Variants in PTPRG observed in about 807,000 individuals in gnomAD.
The protein encoded by PTPRG is protein tyrosine phosphatase receptor type G.
PTPRG carries 102 observed loss-of-function variants against 165.3 expected under a neutral mutation model. The observed-to-expected ratio is 0.62, with a 90% CI of 0.53 to 0.73. The LOEUF (loss-of-function observed/expected upper bound fraction) is 0.73. Ranked by LOEUF, PTPRG falls within the 30% of genes least tolerant of loss-of-function variation. The pLI, the probability that PTPRG is intolerant of heterozygous loss-of-function variation, is 0.00. For synonymous variants in PTPRG, 675 were observed against 669.5 expected, an observed-to-expected ratio of 1.01 and a Z score of -0.13; for missense variants, 1,866 against 1,861.4, an observed-to-expected ratio of 1.00 and a Z score of -0.05.
At chr3:62,264,960 TAA>T (rs34009731) in intron 17 of PTPRG, among the ~76,000 whole-genome samples, 50 of 143,040 alleles carry the variant, frequency 3.5e-4, no homozygotes, top group South Asian at 4.5e-4. Context: ...TCTTACTATT[TAA>T]AAAAAAAAAA....
intron 2 of PTPRG, among the ~76,000 whole-genome samples, chr3:61,792,288 C>T (rs929338863): frequency 6.6e-6 from 1 of 152,102 alleles, no homozygotes; most frequent in African/African-American, 2.4e-5. Context: ...GCAGCCTTGA[C>T]CTCCTGGGCT....
rs1483200057 is a variant in PTPRG at position 62,271,957 on chromosome 3, T to C, written c.3182+402T>C. Among the ~76,000 whole-genome samples, 1 of 152,026 alleles carries C rather than the reference T, an allele frequency of 6.6e-6. No individual in the cohort carries two copies. The highest frequency in any genetic ancestry group is 2.4e-5 in the African/African-American group (1 of 41,392). ...TTAAAAATAAAAAAATTAGCCAGCA[T>C]GGTGGCACATGCCTGTGGTCCCAGC... On this transcript the variant is annotated intron_variant, in intron 21 of 29. Transcript: ENST00000474889. The surrounding 1 kb of genome is among the most constrained non-coding windows in gnomAD (Gnocchi z 4.1).
At chr3:62,064,502 C>CT (rs1700937781) in intron 4 of PTPRG, among the ~76,000 whole-genome samples, 1 of 151,746 alleles carries the variant, frequency 6.6e-6, no homozygotes, top group East Asian at 1.9e-4. Flanking sequence ...TTCTTCCTTC[C>CT]CCTCCGTAGG....
chr3:61,606,495 C>T (rs537864778), intron 1 of PTPRG, among the ~76,000 whole-genome samples: 13 of 152,326 alleles, frequency 8.5e-5, no homozygotes, highest in East Asian at 5.8e-4. Context: ...CTAACTCCTG[C>T]GGAGCTATAT....
At chr3:62,256,031 G>A (rs1321513118) in intron 16 of PTPRG, among the ~76,000 whole-genome samples, 1 of 152,148 alleles carries the variant, frequency 6.6e-6, no homozygotes, top group African/African-American at 2.4e-5. Context: ...CAAGAGTTGT[G>A]TCGAGGAGGC....
chr3:62,002,417 T>TTGAA lies in PTPRG; in HGVS notation c.371-914_371-911dup, dbSNP rs201708887. On this transcript the variant is annotated intron_variant, in intron 3 of 29. Transcript: ENST00000474889. ...GTGTTTAGCAGCCAATAAGTATTTA[T>TTGAA]TGAATGAATGAATGAATGAATCCAC... Among the ~76,000 whole-genome samples, 100 of 152,334 alleles carry TTGAA rather than the reference T, an allele frequency of 6.6e-4. No homozygotes were observed. In the East Asian group the frequency reaches 0.013, roughly 20 times the overall value.
intron 2 of PTPRG, among the ~76,000 whole-genome samples, chr3:61,967,036 C>T (rs777443267): frequency 1.4e-4 from 21 of 152,132 alleles, no homozygotes; most frequent in Non-Finnish European, 1.2e-4. Context: ...GATTGGTGCT[C>T]CCAGAGAAAA....
chr3:61,979,066 A>G lies in PTPRG; in HGVS notation c.191-10559A>G, dbSNP rs76920791. Among the ~76,000 whole-genome samples, 1,058 of 152,354 alleles carry G rather than the reference A, an allele frequency of 6.9e-3. 4 individuals carry two copies. Among genetic ancestry groups the G allele is most frequent in the Non-Finnish European group, 0.012 (844 of 68,042 alleles). ...AGATAAAATGTAGAAAGTTTTCATT[A>G]CAATGGATATAGTGAATATTCTCCA... is the stretch of plus-strand genomic sequence containing the variant. On this transcript the variant is annotated intron_variant, in intron 2 of 29. Transcript: ENST00000474889.
intron 11 of PTPRG, among the ~76,000 whole-genome samples, chr3:62,202,912 T>C (rs1370446140): frequency 6.6e-5 from 10 of 152,230 alleles, no homozygotes; most frequent in Admixed American, 6.5e-5. Context: ...TCTTGGGTAA[T>C]ATCAGTGAAA....
intron 1 of PTPRG, among the ~76,000 whole-genome samples, chr3:61,592,359 A>C (rs1700590186): frequency 6.6e-6 from 1 of 152,142 alleles, no homozygotes; most frequent in Non-Finnish European, 1.5e-5. Context: ...CCTTCAGAGC[A>C]AGTATGGCCT....
chr3:61,971,169 C>T (rs1308851812), intron 2 of PTPRG, among the ~76,000 whole-genome samples: 1 of 152,180 alleles, frequency 6.6e-6, no homozygotes, highest in Admixed American at 6.5e-5. Flanking sequence ...TCTCCTACCT[C>T]AGCCTCCTAA....
At chr3:61,847,217 G>T (rs115235132) in intron 2 of PTPRG, among the ~76,000 whole-genome samples, 4 of 152,138 alleles carry the variant, frequency 2.6e-5, no homozygotes, top group African/African-American at 9.7e-5. Flanking sequence ...TTATGTAAAT[G>T]GGAAATTTGG....
At chr3:61,686,477 C>T (rs923736522) in intron 1 of PTPRG, among the ~76,000 whole-genome samples, 4 of 152,148 alleles carry the variant, frequency 2.6e-5, no homozygotes, top group Non-Finnish European at 5.9e-5. Context: ...TCTGTGAAGG[C>T]GACTGGGCCA....
At chr3:62,257,946 A>G (rs1411965882) in intron 16 of PTPRG, among the ~76,000 whole-genome samples, 2 of 152,168 alleles carry the variant, frequency 1.3e-5, no homozygotes, top group African/African-American at 4.8e-5. Flanking sequence ...CCTGAGCGAC[A>G]GAGCAAGACC....
chr3:61,822,816 C>T (rs900514728), intron 2 of PTPRG, among the ~76,000 whole-genome samples: 1 of 152,188 alleles, frequency 6.6e-6, no homozygotes, highest in Non-Finnish European at 1.5e-5. Context: ...TCCAACCACA[C>T]ACAGTAGGAG....
intron 2 of PTPRG, among the ~76,000 whole-genome samples, chr3:61,904,027 T>G (rs1044956934): frequency 1.1e-4 from 16 of 152,246 alleles, no homozygotes; most frequent in Admixed American, 2.6e-4. Context: ...CTGTAAATAG[T>G]CTCTTTCACA....
intron 2 of PTPRG, among the ~76,000 whole-genome samples, chr3:61,786,874 A>G (rs997567155): frequency 6.6e-6 from 1 of 152,174 alleles, no homozygotes; most frequent in African/African-American, 2.4e-5. Flanking sequence ...ACGCACCATA[A>G]CTGCTTAAAG....
At chr3:61,887,770 A>C (rs1403887098) in intron 2 of PTPRG, among the ~76,000 whole-genome samples, 1 of 152,192 alleles carries the variant, frequency 6.6e-6, no homozygotes, top group African/African-American at 2.4e-5. Flanking sequence ...TTTAGGGCAA[A>C]AATGAAGACC....
intron 2 of PTPRG, among the ~76,000 whole-genome samples, chr3:61,809,163 G>A (rs559900798): frequency 1.3e-5 from 2 of 150,772 alleles, no homozygotes; most frequent in African/African-American, 2.4e-5. Context: ...TTATTATCAC[G>A]GTGGGGGAGG....
Sources: allele counts gnomAD v4.1 joint callset (sites outside exome capture counted in the v4.1 genomes callset), GRCh38; gene constraint gnomAD v4.1.1; non-coding constraint Gnocchi (gnomAD v3.1); transcripts MANE v1.5; gene names NCBI Gene and HGNC (gene_info 2026-07-23, HGNC 2026-07-21).